The following RBM28 variants were observed in gnomAD, a reference collection of about 807,000 sequenced individuals.
RBM28 encodes RNA binding motif protein 28, also known as RNA-binding protein 28.
Under a neutral mutation model 98.3 loss-of-function variants are expected in RBM28, and 78 were observed. The observed-to-expected ratio is 0.79, with a 90% CI of 0.66 to 0.96. The LOEUF (loss-of-function observed/expected upper bound fraction) is 0.96. RBM28 is among the 40% of genes least tolerant of loss of function. RBM28 has a pLI of 0.00. For missense variants in RBM28, 838 were observed against 913.0 expected (o/e 0.92, Z 1.06); for synonymous variants, 306 against 330.9 (o/e 0.92, Z 0.82).
chr7:128,310,840 T>C lies in RBM28; in HGVS notation c.2237A>G (p.Lys746Arg), dbSNP rs1161359872. 1.2e-6 allele frequency: 2 copies of C among 1,614,022 alleles called. No homozygotes were observed. The highest frequency in any genetic ancestry group is 2.7e-5 in the African/African-American group (2 of 74,908). Residue 746 changes from lysine (K) to arginine (R), a missense_variant, in exon 19 of 19, where the codon AAA becomes AGA. By Grantham distance (26) the Lys-to-Arg change is conservative. Transcript: ENST00000223073. Reference protein sequence around the residue: ...QYKQKLLGPSKGAPLAKRSKW... With the variant: ...QYKQKLLGPSRGAPLAKRSKW... ...GCTCCTCTTTGCAAGAGGTGCTCCT[T>C]TAGAAGGTCCCAATAATTTCTGCTT...
rs1219319722 is a variant in RBM28 at position 128,308,635 on chromosome 7, A to G, written c.*2162T>C. On this transcript the variant is annotated 3_prime_UTR_variant, in exon 19 of 19. Coordinates refer to ENST00000223073, the MANE Select transcript of RBM28 (RefSeq NM_018077.3). ...TATTTCCATGGCCTCTCCTTCATCC[A>G]TTTCTAAACCAAAGGCATTTCAGAG... 1 of 152,138 alleles carries G rather than the reference A, an allele frequency of 6.6e-6. No individual in the cohort carries two copies. Among genetic ancestry groups the G allele is most frequent in the East Asian group, 1.9e-4 (1 of 5,192 alleles). The allele number at this position is 152,138 out of a possible 1,614,324, so 9.4% of individuals were successfully genotyped here. A position where few individuals can be genotyped will look rare whatever the true frequency, so the allele number is the denominator to read the frequency against.
chr7:128,320,862 G>A (rs1238442051), intron 14 of RBM28, among the ~76,000 whole-genome samples: 3 of 152,172 alleles, frequency 2.0e-5, no homozygotes, highest in African/African-American at 7.2e-5. Context: ...CTGACAACAT[G>A]TCCAGAAGAA....
chr7:128,340,152 G>A (rs1453812474), intron 1 of RBM28, among the ~76,000 whole-genome samples: 1 of 152,160 alleles, frequency 6.6e-6, no homozygotes, highest in Non-Finnish European at 1.5e-5. Flanking sequence ...AAGAAGGCAG[G>A]AAAGGTAAGT....
At position 128,343,854 on chromosome 7, in the gene RBM28, G is replaced by T; in HGVS notation, c.-61C>A. The T allele has an allele frequency of 8.0e-7, 1 of 1,254,712 alleles. No individual in the cohort carries two copies. Among genetic ancestry groups the T allele is most frequent in the South Asian group, 1.4e-5 (1 of 70,842 alleles). The allele number at this position is 1,254,712 out of a possible 1,614,324, so 77.7% of individuals were successfully genotyped here. On this transcript the variant is annotated 5_prime_UTR_variant, in exon 1 of 19. Coordinates refer to ENST00000223073, the MANE Select transcript of RBM28 (RefSeq NM_018077.3). ...CAAACTAGGCCGGCGCACGCGAGCC[G>T]AAACGCTGGCTTTGGTAGGACAACC...
rs1041630830 is a variant in RBM28 at position 128,336,999 on chromosome 7, T to A, written c.613+132A>T. 1.1e-5 allele frequency: 10 copies of A among 939,556 alleles called. No individual in the cohort carries two copies. The African/African-American group carries it at 1.6e-4, about 15-fold the overall frequency. 58.2% of individuals were successfully genotyped at this position (939,556 alleles called of 1,614,324 possible). A position where few individuals can be genotyped will look rare whatever the true frequency, so the allele number is the denominator to read the frequency against. ...CTGACTGCAAGCAATCCACCCAAAG[T>A]GCTGGAATTACAGGCAAGAGCCACT... is the stretch of plus-strand genomic sequence containing the variant. On this transcript the variant is annotated intron_variant, in intron 6 of 18. Transcript: ENST00000223073.
At chr7:128,335,430 T>C in intron 8 of RBM28, 113 bp downstream of exon 8, 1 of 1,281,216 alleles carries the variant, frequency 7.8e-7, no homozygotes, top group Non-Finnish European at 1.1e-6. Flanking sequence ...ATAAATTTGA[T>C]AGAACACCTT....
rs1795753655 is a variant in RBM28, at chr7:128,299,533, C to T, written c.*11264G>A. 1 of 152,240 alleles carries T rather than the reference C, an allele frequency of 6.6e-6. No individual in the cohort carries two copies. Among genetic ancestry groups the T allele is most frequent in the South Asian group, 2.1e-4 (1 of 4,830 alleles). 9.4% of individuals were successfully genotyped at this position (152,240 alleles called of 1,614,324 possible). On this transcript the variant is annotated 3_prime_UTR_variant, in exon 19 of 19. Transcript: ENST00000223073. ...GGATAATGCATTATAAAAACAACAA[C>T]AGCACCTGATTAGTATAATGACATA...
Position 128,342,895 on chromosome 7 carries a change from C to T in RBM28, c.118+781G>A, listed in dbSNP as rs1471473366. Among the ~76,000 whole-genome samples the T allele has an allele frequency of 3.3e-5, 5 of 152,234 alleles. No individual in the cohort carries two copies. The South Asian group carries it at 8.3e-4, about 25-fold the overall frequency. On this transcript the variant is annotated intron_variant, in intron 1 of 18. Transcript: ENST00000223073. ...ATGTGTTCACTCTCTCACCTCAGTC[C>T]GTCCTTCTCTGGCCACCCTATCTAT...
In RBM28 at chr7:128,335,543, C is replaced by A. The variant is rs1427042125; in HGVS notation, c.946G>T (p.Ala316Ser). The A allele has an allele frequency of 6.2e-7, 1 of 1,614,100 alleles. No homozygotes were observed. The highest frequency in any genetic ancestry group is 8.5e-7 in the Non-Finnish European group (1 of 1,180,014). Reference sequence around the variant, plus strand: ...GACATTTATGAAAATCCAAACAAACCTTTATCCTCTTGCTCCTCAGTGCTG... The same window carrying A: ...GACATTTATGAAAATCCAAACAAACATTTATCCTCTTGCTCCTCAGTGCTG... ...DTSTEEQEDK[A>S]VQVSNKKKRK... The change falls in exon 8 of 19, where the codon GCT becomes TCT. Residue 316 changes from alanine to serine, a missense_variant and splice_region_variant. Physicochemically the swap from Ala to Ser is moderately conservative, Grantham distance 99. Coordinates refer to ENST00000223073, the MANE Select transcript of RBM28 (RefSeq NM_018077.3).
intron 11 of RBM28, among the ~76,000 whole-genome samples, chr7:128,325,354 TAGTAG>T (rs1217567577): frequency 6.6e-6 from 1 of 152,216 alleles, no homozygotes; most frequent in East Asian, 1.9e-4. Context: ...GCTAGTGAAA[TAGTAG>T]AGTACTTACT....
intron 13 of RBM28, among the ~76,000 whole-genome samples, chr7:128,321,815 G>C (rs1796242149): frequency 6.6e-6 from 1 of 152,076 alleles, no homozygotes; most frequent in Non-Finnish European, 1.5e-5. Flanking sequence ...TGGGAGGCCA[G>C]GGCAGGCAGA....
rs2116302286 is a variant in RBM28, at chr7:128,304,371, G to A, written c.*6426C>T. 1 of 152,272 alleles carries A rather than the reference G, an allele frequency of 6.6e-6. No individual in the cohort carries two copies. The highest frequency in any genetic ancestry group is 1.9e-4 in the East Asian group (1 of 5,186). 9.4% of individuals were successfully genotyped at this position (152,272 alleles called of 1,614,324 possible). On this transcript the variant is annotated 3_prime_UTR_variant, in exon 19 of 19. Transcript: ENST00000223073. ...GTCACTCATTTCATGGAATGGATAT[G>A]GGCTGTTACTCAGTGAAAAGACACA... is the stretch of plus-strand genomic sequence containing the variant.
chr7:128,330,384 T>TTC, intron 10 of RBM28, among the ~76,000 whole-genome samples: 1 of 147,412 alleles, frequency 6.8e-6, no homozygotes, highest in Middle Eastern at 3.4e-3. Context: ...TTTTTTTTTT[T>TTC]TTTTTTTTTT....
intron 1 of RBM28, among the ~76,000 whole-genome samples, chr7:128,343,332 G>T (rs949510815): frequency 1.3e-5 from 2 of 152,062 alleles, no homozygotes; most frequent in African/African-American, 4.8e-5. Flanking sequence ...CTCTCCATCC[G>T]GTAAGATTGC....
chr7:128,321,582 AGG>A (rs35725088), intron 13 of RBM28, among the ~76,000 whole-genome samples, 158 bp from the exon 14 acceptor site: 4 of 152,228 alleles, frequency 2.6e-5, no homozygotes, highest in Admixed American at 1.3e-4. Context: ...TGCCTAGTAT[AGG>A]GAAAGAAAAG....
intron 14 of RBM28, 88 bp downstream of exon 14, chr7:128,321,177 AC>A: frequency 6.4e-7 from 1 of 1,565,110 alleles, no homozygotes; most frequent in Non-Finnish European, 8.8e-7. Context: ...AAACAAACAA[AC>A]AAAATCTGGC....
intron 14 of RBM28, among the ~76,000 whole-genome samples, chr7:128,319,703 G>A (rs1358788770): frequency 6.6e-6 from 1 of 152,190 alleles, no homozygotes; most frequent in Non-Finnish European, 1.5e-5. Flanking sequence ...GATAACGCTT[G>A]CCTCAAAAAC....
At position 128,343,663 on chromosome 7, in the gene RBM28, G is replaced by T; in HGVS notation, c.118+13C>A. On this transcript the variant is annotated intron_variant, in intron 1 of 18. Transcript: ENST00000223073. ...GGAAACCCCAGCCCTATCCTCGACC[G>T]CCCCGCCCCTACCTTTTTCAGTCAC... The T allele has an allele frequency of 2.5e-6, 4 of 1,593,852 alleles. No homozygotes were observed. Among genetic ancestry groups the T allele is most frequent in the Non-Finnish European group, 3.4e-6 (4 of 1,166,870 alleles).
intron 18 of RBM28, chr7:128,312,964 A>C: frequency 1.7e-6 from 1 of 588,090 alleles, no homozygotes; most frequent in Non-Finnish European, 3.0e-6. Flanking sequence ...AAACAAGGAG[A>C]CTGCTGAAAC....
Sources: gnomAD v4.1 joint callset for allele counts (sites outside exome capture counted in the v4.1 genomes callset) on GRCh38, gnomAD v4.1.1 for gene constraint, MANE v1.5 for transcripts, NCBI Gene and HGNC (gene_info 2026-07-23, HGNC 2026-07-21) for gene names.